The following FSIP2 variants were observed in gnomAD, a reference collection of about 807,000 sequenced individuals.
The protein encoded by FSIP2 is fibrous sheath-interacting protein 2.
A neutral mutation model predicts 510.5 loss-of-function variants in FSIP2; 367 were observed. The observed-to-expected ratio is 0.72, with a 90% CI of 0.66 to 0.78. The LOEUF is 0.78. Ranked by LOEUF, FSIP2 falls within the 30% of genes least tolerant of loss-of-function variation. The pLI is 0.00. For synonymous variants in FSIP2, 2,601 were observed against 2,732.2 expected (o/e 0.95, Z 1.50); for missense variants, 7,594 against 7,901.7 (o/e 0.96, Z 1.48).
intron 13 of FSIP2, among the ~76,000 whole-genome samples, chr2:185,768,477 G>GT (rs1692541282): frequency 6.6e-6 from 1 of 151,982 alleles, no homozygotes; most frequent in Admixed American, 6.6e-5. Context: ...TCTTCTGCCT[G>GT]TGGACATACC....
chr2:185,794,675 C>A lies in FSIP2; in HGVS notation c.7539C>A (p.Asn2513Lys). Reference sequence around the variant, plus strand: ...TGCCTCCACTTAATGAAACTGCCAACTTTATATCTAATTCTAAGATTAAAA... The same window carrying A: ...TGCCTCCACTTAATGAAACTGCCAAATTTATATCTAATTCTAAGATTAAAA... The part of the protein sequence containing the change: ...GHLPPLNETA[N>K]FISNSKIKTS... The change falls in exon 16 of 23, where the codon AAC becomes AAA. Residue 2513 changes from asparagine (N) to lysine (K), a missense_variant. By Grantham distance (94) the Asn-to-Lys change is moderately conservative. Transcript: ENST00000424728. The A allele has an allele frequency of 2.0e-6, 3 of 1,533,718 alleles. No individual in the cohort carries two copies. Among genetic ancestry groups the A allele is most frequent in the Non-Finnish European group, 2.6e-6 (3 of 1,145,548 alleles).
At position 185,795,259 on chromosome 2, in the gene FSIP2, A is replaced by G. The variant is rs780499996; in HGVS notation, c.8123A>G (p.Lys2708Arg). 1.3e-6 allele frequency: 2 copies of G among 1,535,200 alleles called. No homozygotes were observed. The highest frequency in any genetic ancestry group is 1.7e-6 in the Non-Finnish European group (2 of 1,146,310). Reference protein sequence around the residue: ...GEKTLKDSRSKTAIGLSHIMS... With the variant: ...GEKTLKDSRSRTAIGLSHIMS... The stretch of plus-strand genomic sequence containing the variant: ...AAGACCCTAAAAGACAGCAGATCCA[A>G]GACTGCCATTGGGTTGTCACACATC... Residue 2708 changes from lysine (K) to arginine (R), a missense_variant, in exon 16 of 23, where the codon AAG (lysine) becomes AGG (arginine). Lys to Arg is a conservative substitution (Grantham distance 26). Coordinates refer to ENST00000424728, the MANE Select transcript of FSIP2 (RefSeq NM_173651.4).
At chr2:185,832,382 C>A (rs1338837750) in intron 22 of FSIP2, among the ~76,000 whole-genome samples, 1 of 151,774 alleles carries the variant, frequency 6.6e-6, no homozygotes, top group Non-Finnish European at 1.5e-5. Context: ...TGCTACTCAT[C>A]TACAATCACT....
chr2:185,764,860 T>G (rs1162556828), intron 13 of FSIP2: 1 of 244,130 alleles, frequency 4.1e-6, no homozygotes, highest in African/African-American at 2.2e-5. Context: ...AGAAAGAGAC[T>G]GCGTTGAGAC....
chr2:185,831,192 C>T (rs1694102030), intron 21 of FSIP2, among the ~76,000 whole-genome samples: 1 of 151,822 alleles, frequency 6.6e-6, no homozygotes, highest in Non-Finnish European at 1.5e-5. Flanking sequence ...TTCTGGTACC[C>T]TTCAAATCTA....
At chr2:185,739,519 C>G (rs1691879679) in intron 2 of FSIP2, 48 bp downstream of exon 2, 1 of 1,396,116 alleles carries the variant, frequency 7.2e-7, no homozygotes, top group Non-Finnish European at 9.3e-7. Flanking sequence ...TTACTACTTG[C>G]TGTTTAACTC....
At chr2:185,738,477 A>T, upstream of FSIP2, 2 of 819,376 alleles carry the variant, frequency 2.4e-6, no homozygotes, top group Non-Finnish European at 3.8e-6. Context: ...TATATGGGGG[A>T]AGATGTAGAA....
At position 185,809,100 on chromosome 2, in the gene FSIP2, T is replaced by A; in HGVS notation, c.19794T>A (p.Asp6598Glu). 6.3e-7 allele frequency: 1 copy of A among 1,589,838 alleles called. No homozygotes were observed. The highest frequency in any genetic ancestry group is 8.5e-7 in the Non-Finnish European group (1 of 1,172,362). ...KRKTERRTSL[D>E]KTGRLDVKPL... ...AGACAGAAAGACGTACCTCATTGGATAAGACTGGAAGACTGGATGTAAAAC... is the reference window on the plus strand; with the variant it reads ...AGACAGAAAGACGTACCTCATTGGAAAAGACTGGAAGACTGGATGTAAAAC... Residue 6598 changes from aspartate to glutamate, a missense_variant, in exon 17 of 23, where the codon GAT becomes GAA. Asp to Glu is a conservative substitution (Grantham distance 45). Coordinates refer to ENST00000424728, the MANE Select transcript of FSIP2 (RefSeq NM_173651.4).
In FSIP2 at chr2:185,795,926, A is replaced by G. The variant is rs1412224942; in HGVS notation, c.8790A>G (p.Leu2930=). The G allele has an allele frequency of 6.5e-7, 1 of 1,534,542 alleles. No individual in the cohort carries two copies. Among genetic ancestry groups the G allele is most frequent in the Admixed American group, 2.0e-5 (1 of 50,842 alleles). Residue 2930 remains leucine (L), a synonymous_variant, in exon 16 of 23, where the codon CTA becomes CTG. Transcript: ENST00000424728. Reference sequence around the variant, plus strand: ...AAATGCTACTTGAAAAACTACAGCTATGCTTTCTGTCCCAAATTCCCACTC... The same window carrying G: ...AAATGCTACTTGAAAAACTACAGCTGTGCTTTCTGTCCCAAATTCCCACTC... ...IVEMLLEKLQ[L]CFLSQIPTPD...
chr2:185,803,306 G>A lies in FSIP2; in HGVS notation c.14000G>A (p.Gly4667Glu). The A allele has an allele frequency of 6.5e-7, 1 of 1,528,168 alleles. No individual in the cohort carries two copies. Among genetic ancestry groups the A allele is most frequent in the Non-Finnish European group, 8.7e-7 (1 of 1,143,428 alleles). 94.7% of individuals were successfully genotyped at this position (1,528,168 alleles called of 1,614,324 possible). A position where few individuals can be genotyped will look rare whatever the true frequency, so the allele number is the denominator to read the frequency against. ...GAAGAACTCATACATTTGATTACAG[G>A]GGAATTCTCAAAAGCCCAAGTTAGC... ...KAEELIHLIT[G>E]EFSKAQVSII... is the part of the protein sequence containing the mutation. The change falls in exon 17 of 23, where the codon GGG (glycine) becomes GAG (glutamate). Residue 4667 changes from glycine (G) to glutamate (E), a missense_variant. Physicochemically the swap from Gly to Glu is moderately conservative, Grantham distance 98 (BLOSUM62 -2). Coordinates refer to ENST00000424728, the MANE Select transcript of FSIP2 (RefSeq NM_173651.4).
intron 5 of FSIP2, among the ~76,000 whole-genome samples, chr2:185,745,793 AT>A (rs1322116118): frequency 1.3e-5 from 2 of 152,124 alleles, no homozygotes; most frequent in Non-Finnish European, 2.9e-5. Context: ...TGAAAGAAAA[AT>A]TAGATTCAAA....
Position 185,739,449 on chromosome 2 carries a change from A to T in FSIP2, c.203A>T (p.Tyr68Phe). 6.6e-7 allele frequency: 1 copy of T among 1,516,458 alleles called. No homozygotes were observed. The highest frequency in any genetic ancestry group is 1.2e-5 in the South Asian group (1 of 81,514). The allele number at this position is 1,516,458 out of a possible 1,614,324, so 93.9% of individuals were successfully genotyped here. A position where few individuals can be genotyped will look rare whatever the true frequency, so the allele number is the denominator to read the frequency against. Reference sequence around the variant, plus strand: ...ATCCCAGGAAGCAATGCTGTATTCTATACTACGAATTTCGGTGAAAAGGTG... The same window carrying T: ...ATCCCAGGAAGCAATGCTGTATTCTTTACTACGAATTTCGGTGAAAAGGTG... ...PVIPGSNAVF[Y>F]TTNFGEKLFR... The change falls in exon 2 of 23, where the codon TAT becomes TTT. Residue 68 changes from tyrosine to phenylalanine, a missense_variant. Physicochemically the swap from Tyr to Phe is conservative, Grantham distance 22 (BLOSUM62 3). Transcript: ENST00000424728.
chr2:185,790,608 T>G lies in FSIP2; in HGVS notation c.3472T>G (p.Phe1158Val). ...ACATCAAGAATGGATAGACCAGATG[T>G]TTTCTGTTTCAGAAATCAGTACAGT... ...LSHQEWIDQM[F>V]SVSEISTVAQ... The change falls in exon 16 of 23, where the codon TTT becomes GTT. Residue 1158 changes from phenylalanine to valine, a missense_variant. Physicochemically the swap from Phe to Val is conservative, Grantham distance 50 (BLOSUM62 -1). Coordinates refer to ENST00000424728, the MANE Select transcript of FSIP2 (RefSeq NM_173651.4). 1 of 1,534,082 alleles carries G rather than the reference T, an allele frequency of 6.5e-7. No homozygotes were observed. The highest frequency in any genetic ancestry group is 2.4e-5 in the East Asian group (1 of 40,850).
intron 2 of FSIP2, among the ~76,000 whole-genome samples, chr2:185,742,773 C>A (rs533957599): frequency 6.6e-6 from 1 of 151,924 alleles, no homozygotes; most frequent in Admixed American, 6.6e-5. Flanking sequence ...TATTTTGATT[C>A]GAGAGAGGGA....
chr2:185,754,928 A>G (rs1692213150), intron 8 of FSIP2, among the ~76,000 whole-genome samples: 1 of 151,560 alleles, frequency 6.6e-6, no homozygotes, highest in Admixed American at 6.6e-5. Flanking sequence ...AAATTCTAGC[A>G]TATAGTAAGA....
chr2:185,762,146 A>G, intron 11 of FSIP2, 129 bp downstream of exon 11: 3 of 503,162 alleles, frequency 6.0e-6, no homozygotes, highest in Non-Finnish European at 1.0e-5. Flanking sequence ...GCTGATATAA[A>G]TTTTTTATGA....
intron 19 of FSIP2, 43 bp downstream of exon 19, chr2:185,815,514 G>C: frequency 3.1e-6 from 3 of 961,704 alleles, no homozygotes; most frequent in Non-Finnish European, 4.7e-6. Context: ...ATCTGATAAA[G>C]TAGAGCTTAT....
At chr2:185,739,521 GT>G (rs1227616299) in intron 2 of FSIP2, 50 bp downstream of exon 2, 2 of 1,394,902 alleles carry the variant, frequency 1.4e-6, no homozygotes, top group Non-Finnish European at 1.9e-6. Context: ...ACTACTTGCT[GT>G]TTAACTCAAA....
Position 185,806,517 on chromosome 2 carries a change from A to C in FSIP2, c.17211A>C (p.Ser5737=), listed in dbSNP as rs774136675. 2 of 1,599,546 alleles carry C rather than the reference A, an allele frequency of 1.3e-6. No homozygotes were observed. The highest frequency in any genetic ancestry group is 8.5e-7 in the Non-Finnish European group (1 of 1,175,808). ...TTACAACAAAAAAAGTATCCTCCTC[A>C]ACTAACAAAAATATCTCTGCCAAAG... ...QSVTTKKVSS[S]TNKNISAKEK... is the part of the protein sequence containing the mutation. Residue 5737 remains serine (S), a synonymous_variant, in exon 17 of 23, where the codon TCA becomes TCC. Coordinates refer to ENST00000424728, the MANE Select transcript of FSIP2 (RefSeq NM_173651.4).
Sources: allele counts gnomAD v4.1 joint callset (sites outside exome capture counted in the v4.1 genomes callset), GRCh38; gene constraint gnomAD v4.1.1; transcripts MANE v1.5; gene names NCBI Gene and HGNC (gene_info 2026-07-23, HGNC 2026-07-21).